Variants in CTNND2 observed in about 807,000 individuals in gnomAD.
The protein encoded by CTNND2 is catenin delta-2.
In CTNND2, 22 loss-of-function variants were observed where a neutral mutation model predicts 144.4. The observed-to-expected ratio is 0.15, with a 90% CI of 0.11 to 0.22. The LOEUF (loss-of-function observed/expected upper bound fraction) is 0.22. Among genes scored for constraint, CTNND2 ranks in the 10% least tolerant of loss-of-function variants. The pLI, the probability that CTNND2 is intolerant of heterozygous loss-of-function variation, is 1.00. For synonymous variants in CTNND2, 751 were observed against 695.6 expected, an observed-to-expected ratio of 1.08 and a Z score of -1.25; for missense variants, 1,353 against 1,618.8, an observed-to-expected ratio of 0.84 and a Z score of 2.82.
At chr5:11,631,478 T>C (rs1330843040) in intron 2 of CTNND2, among the ~76,000 whole-genome samples, 1 of 152,190 alleles carries the variant, frequency 6.6e-6, no homozygotes, top group Non-Finnish European at 1.5e-5. Context: ...TCTGTGGCAT[T>C]TGTGCCACAG....
In CTNND2 at chr5:11,354,278, TTGGCAATA is replaced by T. The variant is rs768334266; in HGVS notation, c.1373-7659_1373-7652del. Reference sequence around the variant, plus strand: ...CACTAAATGATTTTACATCAAGTACTTGGCAATATGTGGTTATGGCATAAAAGGTATAT... The same window carrying T: ...CACTAAATGATTTTACATCAAGTACTTGTGGTTATGGCATAAAAGGTATAT... On this transcript the variant is annotated intron_variant, in intron 8 of 21. Coordinates refer to ENST00000304623, the MANE Select transcript of CTNND2 (RefSeq NM_001332.4). Among the ~76,000 whole-genome samples the T allele has an allele frequency of 3.2e-4, 49 of 152,360 alleles. No individual in the cohort carries two copies. The Middle Eastern group carries it at 0.01, about 32-fold the overall frequency.
chr5:11,745,241 T>G (rs1445971836), intron 1 of CTNND2, among the ~76,000 whole-genome samples: 1 of 152,196 alleles, frequency 6.6e-6, no homozygotes, highest in East Asian at 1.9e-4. Context: ...GTTGGCAATG[T>G]TGTCACCCCT....
At chr5:11,714,883 A>G (rs996509770) in intron 2 of CTNND2, among the ~76,000 whole-genome samples, 48 of 151,758 alleles carry the variant, frequency 3.2e-4, no homozygotes, top group African/African-American at 1.1e-3. Flanking sequence ...ACTGCACTCC[A>G]GCCTAGGTGA....
At chr5:11,840,412 A>G (rs1366117977) in intron 1 of CTNND2, among the ~76,000 whole-genome samples, 1 of 152,178 alleles carries the variant, frequency 6.6e-6, no homozygotes, top group Non-Finnish European at 1.5e-5. Context: ...TTAGTGGCTG[A>G]TTTCATTTCT....
intron 1 of CTNND2, among the ~76,000 whole-genome samples, chr5:11,810,464 A>G (rs1792265077): frequency 6.1e-5 from 6 of 98,360 alleles, no homozygotes; most frequent in African/African-American, 1.5e-4. Context: ...CATTGCCTCA[A>G]GCAATGTTGT....
intron 1 of CTNND2, among the ~76,000 whole-genome samples, chr5:11,880,569 AC>A (rs1291497547): frequency 1.3e-4 from 2 of 15,482 alleles, no homozygotes; most frequent in Non-Finnish European, 3.0e-4. Context: ...TGCTACTAGT[AC>A]TACTACTACT....
At chr5:11,234,156 C>G (rs1038824574) in intron 10 of CTNND2, among the ~76,000 whole-genome samples, 2 of 152,106 alleles carry the variant, frequency 1.3e-5, no homozygotes, top group Non-Finnish European at 2.9e-5. Flanking sequence ...CAGAAGCACA[C>G]ATATGTACAC....
chr5:11,518,457 T>C (rs925874976), intron 3 of CTNND2, among the ~76,000 whole-genome samples: 2 of 152,070 alleles, frequency 1.3e-5, no homozygotes, highest in Admixed American at 6.5e-5. Context: ...TTGAAGAAAA[T>C]GTTTTCAATA....
At chr5:11,794,263 TC>T (rs1198134884) in intron 1 of CTNND2, among the ~76,000 whole-genome samples, 1 of 152,216 alleles carries the variant, frequency 6.6e-6, no homozygotes, top group East Asian at 1.9e-4. Flanking sequence ...CCATCTACTG[TC>T]CCCGTATTTT....
intron 3 of CTNND2, among the ~76,000 whole-genome samples, chr5:11,543,525 G>C (rs1295587263): frequency 1.3e-5 from 2 of 151,982 alleles, no homozygotes; most frequent in African/African-American, 2.4e-5. Flanking sequence ...AATGAATTAG[G>C]TCAACTTCTG....
In CTNND2 at chr5:11,833,726, G is replaced by C. The variant is rs1004027888; in HGVS notation, c.37+70091C>G. Among the ~76,000 whole-genome samples the C allele has an allele frequency of 5.3e-5, 8 of 152,160 alleles. No homozygotes were observed. In the East Asian group the frequency reaches 1.6e-3, roughly 30 times the overall value. Reference sequence around the variant, plus strand: ...TTTAGTAGAGACAGGGTTTCATCAGGTTGGCCAGGCTGGTCTTGAACTCCT... The same window carrying C: ...TTTAGTAGAGACAGGGTTTCATCAGCTTGGCCAGGCTGGTCTTGAACTCCT... On this transcript the variant is annotated intron_variant, in intron 1 of 21. Coordinates refer to ENST00000304623, the MANE Select transcript of CTNND2 (RefSeq NM_001332.4).
intron 16 of CTNND2, among the ~76,000 whole-genome samples, chr5:11,076,851 C>G (rs1308593637): frequency 2.0e-5 from 3 of 152,182 alleles, no homozygotes; most frequent in Non-Finnish European, 2.9e-5. Flanking sequence ...TTCCCCCAAC[C>G]TCTCATTAAA....
intron 11 of CTNND2, among the ~76,000 whole-genome samples, chr5:11,172,072 C>T (rs1156237558): frequency 6.6e-6 from 1 of 152,154 alleles, no homozygotes; most frequent in Non-Finnish European, 1.5e-5. Context: ...ATGGCAATTA[C>T]TTTCGCGCCA....
chr5:11,470,234 G>A (rs1376373822), intron 3 of CTNND2, among the ~76,000 whole-genome samples: 2 of 152,036 alleles, frequency 1.3e-5, no homozygotes, highest in Non-Finnish European at 2.9e-5. Flanking sequence ...TCAGGAGTTC[G>A]AGACCAGGCT....
intron 16 of CTNND2, among the ~76,000 whole-genome samples, chr5:11,052,978 T>C (rs1350890296): frequency 6.6e-6 from 1 of 152,186 alleles, no homozygotes; most frequent in East Asian, 1.9e-4. Flanking sequence ...ATAAGACTTA[T>C]ATAGGGCAGT....
chr5:10,998,693 T>C (rs1271646714), intron 18 of CTNND2, among the ~76,000 whole-genome samples: 1 of 152,212 alleles, frequency 6.6e-6, no homozygotes, highest in Admixed American at 6.5e-5. Flanking sequence ...GGGTGGAAAA[T>C]ATTCCAAAAC....
At chr5:11,156,453 G>T (rs964237242) in intron 12 of CTNND2, among the ~76,000 whole-genome samples, 11 of 152,248 alleles carry the variant, frequency 7.2e-5, no homozygotes, top group African/African-American at 2.4e-4. Context: ...CCTTCTGCTG[G>T]ATTTCCAAGC....
chr5:11,401,661 A>G (rs1034039891), intron 5 of CTNND2, among the ~76,000 whole-genome samples: 7 of 152,196 alleles, frequency 4.6e-5, no homozygotes, highest in African/African-American at 1.7e-4. Flanking sequence ...CTACTAACCC[A>G]TTCAATTTTA....
intron 1 of CTNND2, among the ~76,000 whole-genome samples, chr5:11,878,701 C>T (rs1410739667): frequency 6.6e-6 from 1 of 152,166 alleles, no homozygotes; most frequent in Non-Finnish European, 1.5e-5. Flanking sequence ...AGAGTCCTTG[C>T]TGCTTCATGC....
Sources: gnomAD v4.1 joint callset for allele counts (sites outside exome capture counted in the v4.1 genomes callset) on GRCh38, gnomAD v4.1.1 for gene constraint, MANE v1.5 for transcripts, NCBI Gene and HGNC (gene_info 2026-07-23, HGNC 2026-07-21) for gene names.